HS3ST4: variants seen among roughly 807,000 people sequenced by gnomAD.
HS3ST4 encodes the protein heparan sulfate glucosamine 3-O-sulfotransferase 4.
A neutral mutation model predicts 29.2 loss-of-function variants in HS3ST4; 17 were observed. That is an observed-to-expected ratio of 0.58 (90% CI 0.40 to 0.87). HS3ST4 has a LOEUF of 0.87. Ranked by LOEUF, HS3ST4 falls within the 40% of genes least tolerant of loss-of-function variation. HS3ST4 has a pLI of 0.00. For missense variants in HS3ST4, 627 were observed against 634.5 expected, an observed-to-expected ratio of 0.99 and a Z score of 0.13; for synonymous variants, 314 against 285.7, an observed-to-expected ratio of 1.10 and a Z score of -1.00.
intron 1 of HS3ST4, among the ~76,000 whole-genome samples, chr16:26,061,919 C>A (rs1370655747): frequency 6.6e-6 from 1 of 152,202 alleles, no homozygotes; most frequent in African/African-American, 2.4e-5. Flanking sequence ...TTATTTTCTC[C>A]TTCTGGCTCC....
In HS3ST4 at chr16:25,961,936, CTG is replaced by C. The variant is rs745534087; in HGVS notation, c.735-173673_735-173672del. Among the ~76,000 whole-genome samples the C allele has an allele frequency of 5.3e-5, 8 of 152,250 alleles. No homozygotes were observed. In the South Asian group the frequency reaches 1.7e-3, roughly 32 times the overall value. The stretch of plus-strand genomic sequence containing the variant: ...TTATGTATGCACATTTTCTCTGAAA[CTG>C]TGAAGAACAAGTATGCTAGATAAGA... On this transcript the variant is annotated intron_variant, in intron 1 of 1. Coordinates refer to ENST00000331351, the MANE Select transcript of HS3ST4 (RefSeq NM_006040.3).
At chr16:25,818,584 G>C (rs1001705296) in intron 1 of HS3ST4, among the ~76,000 whole-genome samples, 1 of 152,164 alleles carries the variant, frequency 6.6e-6, no homozygotes, top group Non-Finnish European at 1.5e-5. Flanking sequence ...GCTGGCCAAG[G>C]AGAGAACATA....
intron 1 of HS3ST4, among the ~76,000 whole-genome samples, chr16:26,019,199 T>A (rs1969388081): frequency 2.6e-5 from 4 of 152,114 alleles, no homozygotes; most frequent in Admixed American, 1.3e-4. Flanking sequence ...GTGATATGAA[T>A]GTCCAGGGGG....
intron 1 of HS3ST4, among the ~76,000 whole-genome samples, chr16:25,705,349 G>T (rs1596548588): frequency 6.6e-6 from 1 of 152,230 alleles, no homozygotes; most frequent in Non-Finnish European, 1.5e-5. Flanking sequence ...CAGTTTGATT[G>T]CTTGGAGCTC....
At chr16:26,111,362 TA>T (rs1596685082) in intron 1 of HS3ST4, among the ~76,000 whole-genome samples, 2 of 151,602 alleles carry the variant, frequency 1.3e-5, no homozygotes, top group African/African-American at 4.8e-5. Context: ...ATTAAAGGCA[TA>T]AGCCACTGTT....
chr16:25,823,728 G>A lies in HS3ST4; in HGVS notation c.734+130577G>A, dbSNP rs577829983. Reference sequence around the variant, plus strand: ...GGCATGCACCATGATGCCCAGCTAAGTTATTTTGTATTTTTAGTAGAGATG... The same window carrying A: ...GGCATGCACCATGATGCCCAGCTAAATTATTTTGTATTTTTAGTAGAGATG... On this transcript the variant is annotated intron_variant, in intron 1 of 1. Coordinates refer to ENST00000331351, the MANE Select transcript of HS3ST4 (RefSeq NM_006040.3). 2.6e-5 allele frequency among the ~76,000 whole-genome samples: 4 copies of A among 152,058 alleles called. No homozygotes were observed. In the South Asian group the frequency reaches 8.3e-4, roughly 32 times the overall value.
At chr16:26,103,043 T>G (rs1454426352) in intron 1 of HS3ST4, among the ~76,000 whole-genome samples, 16 of 152,140 alleles carry the variant, frequency 1.1e-4, no homozygotes, top group Admixed American at 9.8e-4. Flanking sequence ...ACATATCACT[T>G]TAGCTCATAT....
intron 1 of HS3ST4, among the ~76,000 whole-genome samples, chr16:26,055,089 A>T (rs1799912385): frequency 6.6e-6 from 1 of 151,860 alleles, no homozygotes; most frequent in African/African-American, 2.4e-5. Flanking sequence ...TCTTTTCTTA[A>T]ATTTGATGAG....
At chr16:25,965,789 A>G (rs1415384783) in intron 1 of HS3ST4, among the ~76,000 whole-genome samples, 1 of 152,230 alleles carries the variant, frequency 6.6e-6, no homozygotes, top group Non-Finnish European at 1.5e-5. Context: ...CTTGATTGCA[A>G]CATTATGTCT....
intron 1 of HS3ST4, among the ~76,000 whole-genome samples, chr16:26,127,849 T>C (rs1436325854): frequency 6.6e-6 from 1 of 152,208 alleles, no homozygotes; most frequent in Non-Finnish European, 1.5e-5. Context: ...TGGCACAAAC[T>C]TTAAAACAAC....
intron 1 of HS3ST4, among the ~76,000 whole-genome samples, chr16:25,968,633 G>A (rs1454652830): frequency 1.3e-5 from 2 of 152,150 alleles, no homozygotes; most frequent in Admixed American, 6.5e-5. Context: ...GGGTTCACAG[G>A]CTGTCTCTGT....
chr16:26,007,294 G>T (rs1034164757), intron 1 of HS3ST4, among the ~76,000 whole-genome samples: 1 of 152,130 alleles, frequency 6.6e-6, no homozygotes, highest in African/African-American at 2.4e-5. Context: ...ACAGGCTTCT[G>T]GAGGTATCTG....
At chr16:26,125,453 G>T (rs981685107) in intron 1 of HS3ST4, among the ~76,000 whole-genome samples, 2 of 152,234 alleles carry the variant, frequency 1.3e-5, no homozygotes, top group African/African-American at 4.8e-5. Flanking sequence ...AGGAGGTGGA[G>T]CTCAGGCAGT....
At chr16:25,928,364 C>T in intron 1 of HS3ST4, among the ~76,000 whole-genome samples, 1 of 143,044 alleles carries the variant, frequency 7.0e-6, no homozygotes, top group Non-Finnish European at 1.5e-5. Flanking sequence ...GACCCCATCT[C>T]TATTAAAAAA....
intron 1 of HS3ST4, among the ~76,000 whole-genome samples, chr16:26,094,586 G>A (rs1898900570): frequency 6.6e-6 from 1 of 152,162 alleles, no homozygotes; most frequent in South Asian, 2.1e-4. Context: ...TCACCACCAG[G>A]CCTGCTTTAC....
At chr16:26,038,527 G>A (rs553268173) in intron 1 of HS3ST4, among the ~76,000 whole-genome samples, 1 of 152,148 alleles carries the variant, frequency 6.6e-6, no homozygotes, top group Admixed American at 6.5e-5. Flanking sequence ...CTCAGACTAG[G>A]CATTGCCCTA....
rs186467221 is a variant in HS3ST4, at chr16:25,718,087, G to A, written c.734+24936G>A. 3.0e-3 allele frequency among the ~76,000 whole-genome samples: 453 copies of A among 152,222 alleles called. 2 individuals are homozygous for A. Among genetic ancestry groups the A allele is most frequent in the African/African-American group, 9.8e-3 (407 of 41,528 alleles). On this transcript the variant is annotated intron_variant, in intron 1 of 1. Transcript: ENST00000331351. ...TTGTGTAACAGGATGGGAGAATGAT[G>A]GTTTTATTCACCAAGACAAACCATA...
In HS3ST4 at chr16:25,926,375, A is replaced by G. The variant is rs148534284; in HGVS notation, c.735-209237A>G. Among the ~76,000 whole-genome samples the G allele has an allele frequency of 1.7e-3, 262 of 152,370 alleles. 1 individual carries two copies. Among genetic ancestry groups the G allele is most frequent in the African/African-American group, 5.9e-3 (245 of 41,590 alleles). On this transcript the variant is annotated intron_variant, in intron 1 of 1. Coordinates refer to ENST00000331351, the MANE Select transcript of HS3ST4 (RefSeq NM_006040.3). Reference sequence around the variant, plus strand: ...CAAAATAATCTGGTATTTGTTGTTTACGTGTATGTTTCTCCACCTACAGTT... The same window carrying G: ...CAAAATAATCTGGTATTTGTTGTTTGCGTGTATGTTTCTCCACCTACAGTT...
chr16:25,961,956 A>G (rs903800896), intron 1 of HS3ST4, among the ~76,000 whole-genome samples: 1 of 152,236 alleles, frequency 6.6e-6, no homozygotes, highest in Admixed American at 6.5e-5. Flanking sequence ...CAAGTATGCT[A>G]GATAAGATGA....
Sources: allele counts gnomAD v4.1 joint callset (sites outside exome capture counted in the v4.1 genomes callset), GRCh38; gene constraint gnomAD v4.1.1; transcripts MANE v1.5; gene names NCBI Gene and HGNC (gene_info 2026-07-23, HGNC 2026-07-21).